Variants in LHFPL3 observed in about 807,000 individuals in gnomAD.
The protein encoded by LHFPL3 is LHFPL tetraspan subfamily member 3 protein.
A neutral mutation model predicts 19.3 loss-of-function variants in LHFPL3; 5 were observed. That is an observed-to-expected ratio of 0.26 (90% CI 0.14 to 0.54). The LOEUF (loss-of-function observed/expected upper bound fraction) is 0.54, where lower values mean the gene tolerates loss of function less well. Ranked by LOEUF, LHFPL3 falls within the 20% of genes least tolerant of loss-of-function variation. The probability of loss-of-function intolerance (pLI) is 0.94; values close to 1 mark genes in which losing one functional copy is unlikely to be tolerated. For synonymous variants in LHFPL3, 133 were observed against 126.2 expected, an observed-to-expected ratio of 1.05 and a Z score of -0.36; for missense variants, 249 against 307.4, an observed-to-expected ratio of 0.81 and a Z score of 1.42.
chr7:104,734,301 T>C (rs1323426970), intron 1 of LHFPL3, among the ~76,000 whole-genome samples: 2 of 152,348 alleles, frequency 1.3e-5, no homozygotes, highest in African/African-American at 2.4e-5. Flanking sequence ...CTGGATAATA[T>C]CCTGCAGAGT....
chr7:104,739,311 G>C (rs1793887879), intron 2 of LHFPL3, among the ~76,000 whole-genome samples: 1 of 152,176 alleles, frequency 6.6e-6, no homozygotes, highest in Non-Finnish European at 1.5e-5. Flanking sequence ...AGCTTCCAAA[G>C]TCAGATTGTT....
At chr7:104,418,765 G>C (rs80330087) in intron 1 of LHFPL3, among the ~76,000 whole-genome samples, 13,059 of 152,228 alleles carry the variant, frequency 0.086, 611 homozygotes, top group Non-Finnish European at 0.099. Flanking sequence ...CTGAAGAACA[G>C]AGATGGAGTG....
chr7:104,498,429 C>T (rs1007275154), intron 1 of LHFPL3, among the ~76,000 whole-genome samples: 5 of 151,954 alleles, frequency 3.3e-5, no homozygotes, highest in Admixed American at 2.6e-4. Flanking sequence ...AACATTTAAT[C>T]GCCAGTGAAT....
At chr7:104,836,087 T>C (rs1791089728) in intron 2 of LHFPL3, among the ~76,000 whole-genome samples, 2 of 150,362 alleles carry the variant, frequency 1.3e-5, no homozygotes, top group Admixed American at 1.3e-4. Flanking sequence ...GGATCTGATA[T>C]TTAAGCTGGC....
intron 1 of LHFPL3, among the ~76,000 whole-genome samples, chr7:104,614,260 AAG>A (rs1309344218): frequency 6.6e-6 from 1 of 152,148 alleles, no homozygotes; most frequent in East Asian, 1.9e-4. Flanking sequence ...GTACTTTCAT[AAG>A]AGTTATCCCA....
chr7:104,824,554 A>G (rs1408224146), intron 2 of LHFPL3, among the ~76,000 whole-genome samples: 1 of 74,980 alleles, frequency 1.3e-5, no homozygotes, highest in Admixed American at 2.4e-4. Flanking sequence ...TATATATAAT[A>G]TATAATTATA....
At chr7:104,335,805 T>C (rs1487839793) in intron 1 of LHFPL3, among the ~76,000 whole-genome samples, 1 of 150,376 alleles carries the variant, frequency 6.6e-6, no homozygotes, top group Non-Finnish European at 1.5e-5. Context: ...GCCAGGCTAG[T>C]ATATTGCACT....
At chr7:104,769,514 T>C (rs1009626325) in intron 2 of LHFPL3, among the ~76,000 whole-genome samples, 13 of 152,172 alleles carry the variant, frequency 8.5e-5, no homozygotes, top group Non-Finnish European at 1.3e-4. Flanking sequence ...AACATGCAGG[T>C]TTGTTACATA....
At chr7:104,601,724 G>A (rs537288625) in intron 1 of LHFPL3, among the ~76,000 whole-genome samples, 29 of 152,212 alleles carry the variant, frequency 1.9e-4, no homozygotes, top group South Asian at 1.2e-3. Flanking sequence ...CAGCCTGCTC[G>A]ACTTCAGCTC....
chr7:104,367,110 T>G (rs896047801), intron 1 of LHFPL3, among the ~76,000 whole-genome samples: 1 of 152,200 alleles, frequency 6.6e-6, no homozygotes, highest in Non-Finnish European at 1.5e-5. Flanking sequence ...ATCTGATAAG[T>G]GGTTTAAGTT....
Position 104,328,848 on chromosome 7 carries a change from G to A in LHFPL3, c.69G>A (p.Lys23=). Residue 23 remains lysine, a synonymous_variant, in exon 1 of 3, where the codon AAG becomes AAA. Coordinates refer to ENST00000424859, the MANE Select transcript of LHFPL3 (RefSeq NM_199000.3). This position sits in a 1 kb window ranked among gnomAD's most constrained non-coding sequence, Gnocchi z 4.6. ...TGCTCCCGGCTCAGGAGGCTGCCAA[G>A]CTGTACCACACCAACTATGTGCGGA... is the stretch of plus-strand genomic sequence containing the variant. ...AAMLPAQEAA[K]LYHTNYVRNS... 1.2e-6 allele frequency: 2 copies of A among 1,614,160 alleles called. No individual in the cohort carries two copies. The highest frequency in any genetic ancestry group is 1.1e-5 in the South Asian group (1 of 91,088).
At chr7:104,478,773 G>A (rs770341139) in intron 1 of LHFPL3, among the ~76,000 whole-genome samples, 2 of 152,158 alleles carry the variant, frequency 1.3e-5, no homozygotes, top group East Asian at 3.8e-4. Context: ...TGCTGCAGAC[G>A]TAGCTCTCAA....
At chr7:104,684,802 C>G (rs1398686839) in intron 1 of LHFPL3, among the ~76,000 whole-genome samples, 1 of 152,206 alleles carries the variant, frequency 6.6e-6, no homozygotes, top group Non-Finnish European at 1.5e-5. Context: ...GAAGCATGCC[C>G]AGGTGAGACT....
chr7:104,773,821 C>T (rs1247809731), intron 2 of LHFPL3, among the ~76,000 whole-genome samples: 1 of 151,992 alleles, frequency 6.6e-6, no homozygotes, highest in Non-Finnish European at 1.5e-5. Flanking sequence ...AGGGGAGAGG[C>T]CTGGGACAGA....
intron 1 of LHFPL3, among the ~76,000 whole-genome samples, chr7:104,589,360 T>C (rs1790654572): frequency 6.6e-6 from 1 of 152,234 alleles, no homozygotes; most frequent in African/African-American, 2.4e-5. Flanking sequence ...TCTGCATCTA[T>C]TGAGATAATC....
chr7:104,557,968 G>A (rs1789885055), intron 1 of LHFPL3, among the ~76,000 whole-genome samples: 1 of 150,464 alleles, frequency 6.6e-6, no homozygotes, highest in Non-Finnish European at 1.5e-5. Flanking sequence ...TGAGAATCAT[G>A]ATTTCCAATT....
intron 1 of LHFPL3, among the ~76,000 whole-genome samples, chr7:104,528,051 T>C (rs1026042886): frequency 6.6e-6 from 1 of 152,192 alleles, no homozygotes; most frequent in Non-Finnish European, 1.5e-5. Context: ...AATTAAACTC[T>C]GAAGAGGGTG....
intron 1 of LHFPL3, among the ~76,000 whole-genome samples, chr7:104,550,328 C>T (rs961683742): frequency 2.6e-5 from 4 of 151,860 alleles, no homozygotes; most frequent in African/African-American, 9.7e-5. Flanking sequence ...TAAAGTTAAC[C>T]ATCACAGCAG....
chr7:104,565,667 G>A (rs1184038956), intron 1 of LHFPL3, among the ~76,000 whole-genome samples: 1 of 151,240 alleles, frequency 6.6e-6, no homozygotes, highest in Middle Eastern at 3.4e-3. Context: ...CTGGATAACA[G>A]TTAGACTTTT....
Sources: allele counts gnomAD v4.1 joint callset (sites outside exome capture counted in the v4.1 genomes callset), GRCh38; gene constraint gnomAD v4.1.1; non-coding constraint Gnocchi (gnomAD v3.1); transcripts MANE v1.5; gene names NCBI Gene and HGNC (gene_info 2026-07-23, HGNC 2026-07-21).